The following FBP1 variants were observed in gnomAD, a reference collection of about 807,000 sequenced individuals.
The protein encoded by FBP1 is fructose-bisphosphatase 1.
FBP1 carries 22 observed loss-of-function variants against 29.9 expected under a neutral mutation model. The observed-to-expected ratio is 0.74, with a 90% CI of 0.53 to 1.05. The LOEUF is 1.05. FBP1 is among the 50% of genes least tolerant of loss of function. The pLI is 0.00. For missense variants in FBP1, 345 were observed against 448.2 expected (o/e 0.77, Z 2.08); for synonymous variants, 175 against 178.6 (o/e 0.98, Z 0.16).
chr9:94,616,708 A>G (rs1827868829), intron 3 of FBP1, among the ~76,000 whole-genome samples: 1 of 152,224 alleles, frequency 6.6e-6, no homozygotes, highest in Non-Finnish European at 1.5e-5. Flanking sequence ...CTGGGATTAC[A>G]GGCGTGAGCC....
chr9:94,620,583 A>G, intron 1 of FBP1, 92 bp from the exon 2 acceptor site: 1 of 1,273,334 alleles, frequency 7.9e-7, no homozygotes, highest in Non-Finnish European at 1.1e-6. Context: ...GTTCGGTAAG[A>G]TTTAGAAGAA....
At chr9:94,624,667 A>G (rs1827998473) in intron 1 of FBP1, among the ~76,000 whole-genome samples, 1 of 152,210 alleles carries the variant, frequency 6.6e-6, no homozygotes, top group Non-Finnish European at 1.5e-5. Context: ...AAAATAAAAA[A>G]AAGAAAGAAT....
chr9:94,630,920 G>A (rs1258429824), intron 1 of FBP1, among the ~76,000 whole-genome samples: 2 of 152,118 alleles, frequency 1.3e-5, no homozygotes, highest in South Asian at 4.2e-4. Flanking sequence ...ATAGAGCCCC[G>A]CAGGCATCCA....
chr9:94,607,015 T>C (rs1254654260), intron 4 of FBP1, 63 bp from the exon 5 acceptor site: 1 of 1,609,506 alleles, frequency 6.2e-7, no homozygotes, highest in Non-Finnish European at 8.5e-7. Flanking sequence ...CAGGCCTGGA[T>C]GAGGCGAGCG....
rs772828820 is a variant in FBP1, at chr9:94,605,443, G to C, written c.825+14C>G. ...AAATCTGCTCCTCACTCCCTCTCCA[G>C]GGGACACCCTTACCTTTCCATTGGG... is the stretch of plus-strand genomic sequence containing the variant. On this transcript the variant is annotated intron_variant, in intron 6 of 6. Coordinates refer to ENST00000375326, the MANE Select transcript of FBP1 (RefSeq NM_000507.4). 2.4e-5 allele frequency: 39 copies of C among 1,612,536 alleles called. No individual in the cohort carries two copies. The highest frequency in any genetic ancestry group is 1.3e-4 in the Admixed American group (8 of 59,878).
At chr9:94,617,930 G>T (rs1563983311) in intron 2 of FBP1, 70 bp from the exon 3 acceptor site, 3 of 1,193,902 alleles carry the variant, frequency 2.5e-6, no homozygotes, top group Non-Finnish European at 3.7e-6. Context: ...TATACATTAG[G>T]GGCTAAGAAT....
At chr9:94,616,872 T>TCTCCCTCTC (rs1381372450) in intron 3 of FBP1, among the ~76,000 whole-genome samples, 1 of 151,954 alleles carries the variant, frequency 6.6e-6, no homozygotes, top group African/African-American at 2.4e-5. Flanking sequence ...CACCTCTCCC[T>TCTCCCTCTC]CTCCCTCTCC....
intron 4 of FBP1, among the ~76,000 whole-genome samples, chr9:94,608,022 A>T (rs998553671): frequency 7.4e-4 from 113 of 152,336 alleles, no homozygotes; most frequent in African/African-American, 2.7e-3. Context: ...AAATAAATAA[A>T]TGTCTTTCAA....
At position 94,611,156 on chromosome 9, in the gene FBP1, C is replaced by G. The variant is rs188903599; in HGVS notation, c.427-1095G>C. On this transcript the variant is annotated intron_variant, in intron 3 of 6. Coordinates refer to ENST00000375326, the MANE Select transcript of FBP1 (RefSeq NM_000507.4). ...GGGATTACAGGCGTGAGCCACTGCG[C>G]CCAGCCTGATCTTCTTTATTAACAC... 9.8e-3 allele frequency among the ~76,000 whole-genome samples: 1,491 copies of G among 152,314 alleles called. 15 individuals are homozygous for G. The highest frequency in any genetic ancestry group is 0.034 in the Middle Eastern group (10 of 294).
chr9:94,607,425 C>T (rs956594263), intron 4 of FBP1, among the ~76,000 whole-genome samples: 1 of 152,180 alleles, frequency 6.6e-6, no homozygotes. Flanking sequence ...GCGCTGTTCT[C>T]GGCTTTACAT....
chr9:94,635,759 A>C (rs1379824861), intron 1 of FBP1, among the ~76,000 whole-genome samples: 1 of 152,234 alleles, frequency 6.6e-6, no homozygotes, highest in Non-Finnish European at 1.5e-5. Context: ...AGGGTACAGC[A>C]CTGTAATACC....
chr9:94,612,064 C>G (rs1382752872), intron 3 of FBP1, among the ~76,000 whole-genome samples: 1 of 152,206 alleles, frequency 6.6e-6, no homozygotes, highest in East Asian at 1.9e-4. Flanking sequence ...CCAGACAGTA[C>G]AGTGGAGCTA....
chr9:94,628,972 C>T (rs1828064196), intron 1 of FBP1, among the ~76,000 whole-genome samples: 1 of 151,934 alleles, frequency 6.6e-6, no homozygotes, highest in Non-Finnish European at 1.5e-5. Flanking sequence ...CAATTAAAGG[C>T]TTTTTGTTGT....
intron 1 of FBP1, among the ~76,000 whole-genome samples, chr9:94,627,603 C>T (rs1828044616): frequency 6.6e-6 from 1 of 152,266 alleles, no homozygotes; most frequent in South Asian, 2.1e-4. Flanking sequence ...TCCAGGAGAG[C>T]CCAGTGGATC....
chr9:94,611,124 A>T (rs1364653069), intron 3 of FBP1, among the ~76,000 whole-genome samples: 1 of 152,046 alleles, frequency 6.6e-6, no homozygotes, highest in Non-Finnish European at 1.5e-5. Context: ...CGGCCTCCCA[A>T]AGTGCTGGGA....
intron 3 of FBP1, among the ~76,000 whole-genome samples, chr9:94,614,822 C>T (rs2131482897): frequency 6.6e-6 from 1 of 152,314 alleles, no homozygotes; most frequent in South Asian, 2.1e-4. Flanking sequence ...TCAGCTGTTT[C>T]AAGCAATCAA....
intron 1 of FBP1, among the ~76,000 whole-genome samples, chr9:94,631,742 AG>A (rs1828107231): frequency 6.6e-6 from 1 of 152,220 alleles, no homozygotes; most frequent in African/African-American, 2.4e-5. Flanking sequence ...CTCAACCAAA[AG>A]GGAGGGAGAT....
chr9:94,630,176 C>G (rs998990698), intron 1 of FBP1, among the ~76,000 whole-genome samples: 1 of 151,946 alleles, frequency 6.6e-6, no homozygotes, highest in South Asian at 2.1e-4. Flanking sequence ...GCACCTAGAA[C>G]AATGCCTGCA....
intron 5 of FBP1, among the ~76,000 whole-genome samples, chr9:94,606,561 T>C (rs1166192973): frequency 6.6e-6 from 1 of 152,226 alleles, no homozygotes; most frequent in Non-Finnish European, 1.5e-5. Context: ...AATTCCAGTC[T>C]CCAGTACTGA....
Sources: gnomAD v4.1 joint callset for allele counts (sites outside exome capture counted in the v4.1 genomes callset) on GRCh38, gnomAD v4.1.1 for gene constraint, MANE v1.5 for transcripts, NCBI Gene and HGNC (gene_info 2026-07-23, HGNC 2026-07-21) for gene names.